DYM: variants seen among roughly 807,000 people sequenced by gnomAD.
The protein encoded by DYM is dyggve-Melchior-Clausen syndrome protein.
DYM carries 78 observed loss-of-function variants against 93.1 expected under a neutral mutation model. The observed-to-expected ratio is 0.84, with a 90% CI of 0.70 to 1.01. The LOEUF is 1.01. Among genes scored for constraint, DYM ranks in the 50% least tolerant of loss-of-function variants. The pLI is 0.00. For synonymous variants in DYM, 321 were observed against 319.7 expected, an observed-to-expected ratio of 1.00 and a Z score of -0.04; for missense variants, 789 against 845.0, an observed-to-expected ratio of 0.93 and a Z score of 0.82.
chr18:49,379,823 T>A (rs2067871976), intron 3 of DYM, 65 bp from the exon 4 acceptor site: 1 of 1,298,740 alleles, frequency 7.7e-7, no homozygotes, highest in Non-Finnish European at 1.1e-6. Context: ...GAGCTTATCA[T>A]AACATTTATA....
intron 15 of DYM, among the ~76,000 whole-genome samples, chr18:49,157,521 T>C (rs986555615): frequency 6.6e-6 from 1 of 152,298 alleles, no homozygotes; most frequent in South Asian, 2.1e-4. Context: ...GAAAAGGTAA[T>C]TGAGGCCCAG....
At chr18:49,103,204 T>C (rs2080379358) in intron 16 of DYM, among the ~76,000 whole-genome samples, 1 of 152,360 alleles carries the variant, frequency 6.6e-6, no homozygotes, top group Admixed American at 6.5e-5. Flanking sequence ...TTTGGCTGCA[T>C]AAATGTCTTC....
chr18:49,221,484 T>C (rs1033425228), intron 13 of DYM, among the ~76,000 whole-genome samples: 1 of 152,018 alleles, frequency 6.6e-6, no homozygotes. Flanking sequence ...CTATTCACAA[T>C]AGCAAAGACT....
chr18:49,066,923 T>C (rs1383733574), intron 17 of DYM, among the ~76,000 whole-genome samples: 1 of 152,228 alleles, frequency 6.6e-6, no homozygotes, highest in African/African-American at 2.4e-5. Flanking sequence ...AGTGTGTGTC[T>C]ATTGTATACA....
chr18:49,373,351 A>G (rs1450839138), intron 5 of DYM, among the ~76,000 whole-genome samples: 3 of 152,120 alleles, frequency 2.0e-5, no homozygotes, highest in Non-Finnish European at 4.4e-5. Context: ...TTTTATGGTT[A>G]TTTCTTGACT....
chr18:49,081,901 A>G (rs7238988), intron 17 of DYM, among the ~76,000 whole-genome samples: 6,461 of 152,292 alleles, frequency 0.042, 476 homozygotes, highest in African/African-American at 0.15. Context: ...GTCAGGAAGT[A>G]GGTTTGTTAT....
intron 8 of DYM, among the ~76,000 whole-genome samples, chr18:49,287,828 C>CAAAAAAAAAAAAAAAAAAAAAAAAAA (rs55895967): frequency 1.3e-5 from 1 of 74,976 alleles, no homozygotes; most frequent in Non-Finnish European, 2.6e-5. Context: ...AACTCCGTCT[C>CAAAAAAAAAAAAAAAAAAAAAAAAAA]AAAAAAAAAA....
chr18:49,368,219 C>G lies in DYM; in HGVS notation c.422-4986G>C, dbSNP rs78909980. Among the ~76,000 whole-genome samples the G allele has an allele frequency of 5.7e-3, 875 of 152,246 alleles. 3 individuals carry two copies. The highest frequency in any genetic ancestry group is 9.2e-3 in the Non-Finnish European group (629 of 68,010). On this transcript the variant is annotated intron_variant, in intron 5 of 17. Coordinates refer to ENST00000675505, the MANE Select transcript of DYM (RefSeq NM_001353214.3). ...TCTAATTACCCTAAAAGATAATATA[C>G]TCTACCAGGTTTGATTATAAAATGT...
intron 6 of DYM, among the ~76,000 whole-genome samples, chr18:49,347,808 T>C (rs1040263827): frequency 1.3e-5 from 2 of 152,256 alleles, no homozygotes; most frequent in Non-Finnish European, 2.9e-5. Flanking sequence ...TCTACCATGC[T>C]GAGTGTGGTG....
intron 17 of DYM, among the ~76,000 whole-genome samples, chr18:49,080,507 A>G (rs1474057864): frequency 5.6e-5 from 7 of 125,600 alleles, no homozygotes; most frequent in African/African-American, 6.1e-5. Context: ...CTGGCCGGGC[A>G]GAGGGGCTCC....
intron 13 of DYM, 34 bp from the exon 14 acceptor site, chr18:49,209,749 A>G: frequency 8.4e-7 from 1 of 1,185,574 alleles, no homozygotes; most frequent in African/African-American, 1.6e-5. Flanking sequence ...AGAAACAGAA[A>G]GAGAGGAGTT....
At chr18:49,431,992 T>G (rs2080359475) in intron 1 of DYM, 1 of 152,236 alleles carries the variant, frequency 6.6e-6, no homozygotes, top group Non-Finnish European at 1.5e-5. Context: ...TCAGCTTCAA[T>G]TAAGCCTCTA....
chr18:49,363,300 TA>T (rs1360254076), intron 5 of DYM, 67 bp from the exon 6 acceptor site: 1 of 1,084,764 alleles, frequency 9.2e-7, no homozygotes, highest in Non-Finnish European at 1.4e-6. Context: ...GTTCAGAAGT[TA>T]CATTTTCATT....
At chr18:49,068,191 AG>A (rs1178493806) in intron 17 of DYM, among the ~76,000 whole-genome samples, 2 of 152,196 alleles carry the variant, frequency 1.3e-5, no homozygotes, top group Non-Finnish European at 2.9e-5. Flanking sequence ...AGCCATGTGT[AG>A]TACAAAGGGA....
intron 16 of DYM, among the ~76,000 whole-genome samples, chr18:49,118,171 G>A (rs1394882214): frequency 3.3e-5 from 5 of 151,608 alleles, no homozygotes; most frequent in South Asian, 2.1e-4. Flanking sequence ...CACCACACCC[G>A]GCCCACAGGC....
chr18:49,103,607 A>G lies in DYM; in HGVS notation c.1912-6092T>C, dbSNP rs557636040. ...TTTTTGTATAAGGTGTAAGGAAGGGATCCAGTTTCAGCTTTCTACATATGG... is the reference window on the plus strand; with the variant it reads ...TTTTTGTATAAGGTGTAAGGAAGGGGTCCAGTTTCAGCTTTCTACATATGG... On this transcript the variant is annotated intron_variant, in intron 16 of 17. Transcript: ENST00000675505. 2.6e-5 allele frequency among the ~76,000 whole-genome samples: 4 copies of G among 152,218 alleles called. No homozygotes were observed. The South Asian group carries it at 8.3e-4, about 32-fold the overall frequency.
At chr18:49,144,376 G>A (rs2084858586) in intron 15 of DYM, among the ~76,000 whole-genome samples, 1 of 152,054 alleles carries the variant, frequency 6.6e-6, no homozygotes, top group African/African-American at 2.4e-5. Context: ...ATAATCTATG[G>A]TTCCCTCTTT....
chr18:49,195,883 A>G (rs916712144), intron 14 of DYM, among the ~76,000 whole-genome samples: 24 of 140,804 alleles, frequency 1.7e-4, no homozygotes, highest in African/African-American at 6.2e-4. Context: ...CAAATACTTC[A>G]TTATCTAATT....
chr18:49,224,723 A>C (rs1408410831), intron 13 of DYM, among the ~76,000 whole-genome samples: 2 of 152,074 alleles, frequency 1.3e-5, no homozygotes, highest in African/African-American at 4.8e-5. Flanking sequence ...GCCTTGATCT[A>C]GGACTTCCCA....
Sources: gnomAD v4.1 joint callset for allele counts (sites outside exome capture counted in the v4.1 genomes callset) on GRCh38, gnomAD v4.1.1 for gene constraint, MANE v1.5 for transcripts, NCBI Gene and HGNC (gene_info 2026-07-23, HGNC 2026-07-21) for gene names.